Variants in PHIP observed in about 807,000 individuals in gnomAD.
PHIP encodes PHIP subunit of CUL4-Ring ligase complex.
PHIP carries 54 observed loss-of-function variants against 236.8 expected under a neutral mutation model. The observed-to-expected ratio is 0.23, with a 90% CI of 0.18 to 0.29. The LOEUF is 0.29. Ranked by LOEUF, PHIP falls within the 10% of genes least tolerant of loss-of-function variation. The probability of loss-of-function intolerance (pLI) is 1.00; values close to 1 mark genes in which losing one functional copy is unlikely to be tolerated. For synonymous variants in PHIP, 756 were observed against 718.9 expected (o/e 1.05, Z -0.83); for missense variants, 1,370 against 2,190.8 (o/e 0.63, Z 7.48).
chr6:78,997,381 CTA>C, intron 19 of PHIP, 31 bp downstream of exon 19: 1 of 1,590,942 alleles, frequency 6.3e-7, no homozygotes, highest in South Asian at 1.1e-5. Context: ...ACCCAAGGAA[CTA>C]TGGTACATAA....
intron 6 of PHIP, among the ~76,000 whole-genome samples, chr6:79,049,267 G>C (rs1022489188): frequency 6.6e-6 from 1 of 151,916 alleles, no homozygotes; most frequent in South Asian, 2.1e-4. Flanking sequence ...TCACCATGTT[G>C]GTCAGGCTGG....
At chr6:79,044,629 A>G (rs1289566647) in intron 6 of PHIP, among the ~76,000 whole-genome samples, 1 of 152,172 alleles carries the variant, frequency 6.6e-6, no homozygotes, top group Non-Finnish European at 1.5e-5. Context: ...AAAAACATTG[A>G]TAGTATTACC....
At position 79,077,681 on chromosome 6, in the gene PHIP, G is replaced by A. The variant is rs1432921512; in HGVS notation, c.129+19C>T. ...CGGCCGCGCGGCGGCGGGACGCGCCGGGCCGCCGCCGCCCTTACCTCCTTC... is the reference window on the plus strand; with the variant it reads ...CGGCCGCGCGGCGGCGGGACGCGCCAGGCCGCCGCCGCCCTTACCTCCTTC... On this transcript the variant is annotated intron_variant, in intron 3 of 39. Coordinates refer to ENST00000275034, the MANE Select transcript of PHIP (RefSeq NM_017934.7). 2.1e-6 allele frequency: 2 copies of A among 966,736 alleles called. No individual in the cohort carries two copies. The highest frequency in any genetic ancestry group is 2.4e-6 in the Non-Finnish European group (2 of 817,370). 59.9% of individuals were successfully genotyped at this position (966,736 alleles called of 1,614,324 possible). A position where few individuals can be genotyped will look rare whatever the true frequency, so the allele number is the denominator to read the frequency against.
intron 4 of PHIP, among the ~76,000 whole-genome samples, chr6:79,062,955 CAT>C (rs1174430589): frequency 6.6e-6 from 1 of 152,202 alleles, no homozygotes; most frequent in Non-Finnish European, 1.5e-5. Context: ...TCCCACAGCA[CAT>C]TATACTCCTC....
chr6:78,950,438 G>A (rs996078224), intron 35 of PHIP, among the ~76,000 whole-genome samples: 2 of 152,128 alleles, frequency 1.3e-5, no homozygotes, highest in African/African-American at 2.4e-5. Context: ...TTCTTTAAAT[G>A]TTTGGTTGAA....
chr6:78,988,915 C>A (rs1476713783), intron 20 of PHIP, among the ~76,000 whole-genome samples: 3 of 152,114 alleles, frequency 2.0e-5, no homozygotes, highest in Non-Finnish European at 4.4e-5. Flanking sequence ...GATCATAAAG[C>A]TACCCTGCCA....
intron 15 of PHIP, among the ~76,000 whole-genome samples, chr6:79,006,949 T>TA (rs1239088392): frequency 1.3e-5 from 2 of 151,800 alleles, no homozygotes; most frequent in African/African-American, 2.4e-5. Flanking sequence ...AAAAAGAAAA[T>TA]AAAAGTATAT....
chr6:79,030,288 A>G (rs1254868258), intron 7 of PHIP, among the ~76,000 whole-genome samples: 3 of 152,192 alleles, frequency 2.0e-5, no homozygotes, highest in Non-Finnish European at 2.9e-5. Flanking sequence ...ACAATTAAAG[A>G]CCTGCTAAAT....
intron 32 of PHIP, 200 bp downstream of exon 32, chr6:78,958,275 T>G (rs979415361): frequency 2.5e-6 from 1 of 406,646 alleles, no homozygotes; most frequent in African/African-American, 2.0e-5. Flanking sequence ...TTCTTATTAT[T>G]AGCCAATGAA....
At chr6:78,949,049 T>G (rs1045684033) in intron 35 of PHIP, among the ~76,000 whole-genome samples, 12 of 152,144 alleles carry the variant, frequency 7.9e-5, no homozygotes, top group Non-Finnish European at 1.8e-4. Context: ...GAGTGAACAT[T>G]TTTCAGTCAT....
At chr6:78,998,713 G>A (rs945291771) in intron 17 of PHIP, among the ~76,000 whole-genome samples, 1 of 152,050 alleles carries the variant, frequency 6.6e-6, no homozygotes, top group Non-Finnish European at 1.5e-5. Flanking sequence ...CAAAATAACT[G>A]TTCGAAGTCA....
At chr6:78,943,136 C>T (rs1773586595) in intron 39 of PHIP, among the ~76,000 whole-genome samples, 1 of 152,014 alleles carries the variant, frequency 6.6e-6, no homozygotes. Flanking sequence ...TTAAAATTAA[C>T]TTTACCTGTT....
chr6:78,944,539 G>C (rs1231546039), intron 39 of PHIP, among the ~76,000 whole-genome samples: 1 of 152,200 alleles, frequency 6.6e-6, no homozygotes, highest in Admixed American at 6.5e-5. Context: ...AGATGTTATG[G>C]AGGGAGAAAC....
intron 19 of PHIP, among the ~76,000 whole-genome samples, chr6:78,992,855 G>C (rs1769355356): frequency 1.3e-5 from 2 of 152,126 alleles, no homozygotes; most frequent in South Asian, 2.1e-4. Context: ...AACTGATCCA[G>C]TGAAAACATC....
Position 78,998,123 on chromosome 6 carries a change from A to C in PHIP, c.2017+131T>G, listed in dbSNP as rs749140033. The C allele has an allele frequency of 2.9e-5, 19 of 648,864 alleles. No individual in the cohort carries two copies. The African/African-American group carries it at 3.3e-4, about 11-fold the overall frequency. 40.2% of individuals were successfully genotyped at this position (648,864 alleles called of 1,614,324 possible). On this transcript the variant is annotated intron_variant, in intron 18 of 39. Coordinates refer to ENST00000275034, the MANE Select transcript of PHIP (RefSeq NM_017934.7). ...AGGTCATTAAATATTCTTCAAAACC[A>C]TGATCATTTTGGCAACCTAATATTT...
chr6:79,057,976 T>A (rs1260646804), intron 6 of PHIP, among the ~76,000 whole-genome samples: 1 of 152,110 alleles, frequency 6.6e-6, no homozygotes, highest in African/African-American at 2.4e-5. Flanking sequence ...GCAAGTTGAG[T>A]CATTTTGGTC....
intron 35 of PHIP, among the ~76,000 whole-genome samples, chr6:78,951,088 G>T (rs980928790): frequency 2.6e-5 from 4 of 152,038 alleles, no homozygotes; most frequent in African/African-American, 9.7e-5. Flanking sequence ...CATGAGATTT[G>T]TTTGATCCAT....
intron 32 of PHIP, chr6:78,957,793 A>G (rs1166891843): frequency 1.3e-5 from 2 of 152,008 alleles, no homozygotes; most frequent in African/African-American, 4.8e-5. Context: ...TCATTATATG[A>G]TTGCATAAAA....
intron 21 of PHIP, among the ~76,000 whole-genome samples, chr6:78,987,558 A>C (rs914755372): frequency 5.9e-5 from 9 of 152,126 alleles, no homozygotes; most frequent in African/African-American, 2.2e-4. Context: ...TATAGTAGTC[A>C]ATATCTAAAA....
Sources: gnomAD v4.1 joint callset for allele counts (sites outside exome capture counted in the v4.1 genomes callset) on GRCh38, gnomAD v4.1.1 for gene constraint, MANE v1.5 for transcripts, NCBI Gene and HGNC (gene_info 2026-07-23, HGNC 2026-07-21) for gene names.